The following SOD1 variants were observed in gnomAD, a reference collection of about 807,000 sequenced individuals.
SOD1 encodes superoxide dismutase [Cu-Zn].
In SOD1, 8 loss-of-function variants were observed where a neutral mutation model predicts 15.9. The ratio of observed to expected loss-of-function variants is 0.50; its 90% CI spans 0.30 to 0.91. The LOEUF (loss-of-function observed/expected upper bound fraction) is 0.91, where lower values mean the gene tolerates loss of function less well. Among genes scored for constraint, SOD1 ranks in the 40% least tolerant of loss-of-function variants. SOD1 has a pLI of 0.07. For missense variants in SOD1, 137 were observed against 194.5 expected, an observed-to-expected ratio of 0.70 and a Z score of 1.76; for synonymous variants, 86 against 71.2, an observed-to-expected ratio of 1.21 and a Z score of -1.04.
intron 4 of SOD1, among the ~76,000 whole-genome samples, chr21:31,667,948 GC>G (rs1176350747): frequency 6.6e-6 from 1 of 152,124 alleles, no homozygotes; most frequent in Non-Finnish European, 1.5e-5. Context: ...TTTTTCTTGA[GC>G]CATAGTTGTA....
At chr21:31,662,433 CAA>C (rs2049555882) in intron 1 of SOD1, among the ~76,000 whole-genome samples, 1 of 152,168 alleles carries the variant, frequency 6.6e-6, no homozygotes, top group Admixed American at 6.5e-5. Flanking sequence ...AAGCTAAAAA[CAA>C]GAGACACTGA....
In SOD1 at chr21:31,668,634, G is replaced by A. The variant is rs1387711169; in HGVS notation, c.*56G>A. 11 of 1,205,726 alleles carry A rather than the reference G, an allele frequency of 9.1e-6. No homozygotes were observed. The highest frequency in any genetic ancestry group is 1.2e-5 in the Non-Finnish European group (10 of 807,524). The allele number at this position is 1,205,726 out of a possible 1,614,324, so 74.7% of individuals were successfully genotyped here. A position where few individuals can be genotyped will look rare whatever the true frequency, so the allele number is the denominator to read the frequency against. On this transcript the variant is annotated 3_prime_UTR_variant, in exon 5 of 5. Transcript: ENST00000270142. ...TAACTCATCTGTTATCCTGCTAGCT[G>A]TAGAAATGTATCCTGATAAACATTA...
rs758204711 is a variant in SOD1 at position 31,668,476 on chromosome 21, T to C, written c.363T>C (p.His121=). The stretch of plus-strand genomic sequence containing the variant: ...CTTCTTAAAATTTTTTACAGGTCCA[T>C]GAAAAAGCAGATGACTTGGGCAAAG... ...HCIIGRTLVV[H]EKADDLGKGG... Residue 121 remains histidine (H), a synonymous_variant, in exon 5 of 5, where the codon CAT becomes CAC. Coordinates refer to ENST00000270142, the MANE Select transcript of SOD1 (RefSeq NM_000454.5). 1.1e-5 allele frequency: 18 copies of C among 1,613,616 alleles called. No homozygotes were observed. The East Asian group carries it at 2.0e-4, about 18-fold the overall frequency.
At chr21:31,664,985 C>G (rs2049581218) in intron 2 of SOD1, among the ~76,000 whole-genome samples, 1 of 151,954 alleles carries the variant, frequency 6.6e-6, no homozygotes, top group Non-Finnish European at 1.5e-5. Flanking sequence ...TGTAATGATC[C>G]CAGGTGTTTG....
At chr21:31,661,358 C>G (rs1459721152) in intron 1 of SOD1, among the ~76,000 whole-genome samples, 1 of 152,070 alleles carries the variant, frequency 6.6e-6, no homozygotes, top group African/African-American at 2.4e-5. Flanking sequence ...CCACATAATT[C>G]ACCAGTACTA....
chr21:31,666,571 A>G (rs1338195838), intron 3 of SOD1, 53 bp downstream of exon 3: 5 of 1,245,990 alleles, frequency 4.0e-6, no homozygotes, highest in Admixed American at 3.4e-5. Context: ...TGGAGTTCAT[A>G]TGGTATACTA....
intron 2 of SOD1, among the ~76,000 whole-genome samples, 184 bp downstream of exon 2, chr21:31,664,070 A>T (rs2049572307): frequency 6.6e-6 from 1 of 152,116 alleles, no homozygotes; most frequent in Non-Finnish European, 1.5e-5. Context: ...TTGACCTCCC[A>T]GGCTCCATTG....
intron 4 of SOD1, 75 bp from the exon 5 acceptor site, chr21:31,668,396 C>A: frequency 1.1e-6 from 1 of 920,160 alleles, no homozygotes; most frequent in Non-Finnish European, 1.8e-6. Flanking sequence ...GGTTCTTAAA[C>A]ATCTTTTGGG....
At chr21:31,662,460 G>T (rs2049556137) in intron 1 of SOD1, among the ~76,000 whole-genome samples, 1 of 152,196 alleles carries the variant, frequency 6.6e-6, no homozygotes, top group Admixed American at 6.5e-5. Flanking sequence ...TTGTATGACG[G>T]TGTGGTGTGG....
At chr21:31,666,375 C>A in intron 2 of SOD1, 74 bp from the exon 3 acceptor site, 2 of 1,143,816 alleles carry the variant, frequency 1.7e-6, no homozygotes, top group African/African-American at 1.5e-5. Flanking sequence ...GAAGTTTTAG[C>A]AGTGTTTCTT....
intron 1 of SOD1, among the ~76,000 whole-genome samples, chr21:31,662,694 T>C (rs191500857): frequency 1.3e-5 from 2 of 152,226 alleles, no homozygotes; most frequent in Admixed American, 1.3e-4. Context: ...GGCAGTGGAA[T>C]ATAATATTTT....
intron 2 of SOD1, among the ~76,000 whole-genome samples, chr21:31,664,871 C>T (rs1373363885): frequency 1.3e-5 from 2 of 152,016 alleles, no homozygotes. Context: ...CTGTCTCAGC[C>T]TCCCAAAGTG....
In SOD1 at chr21:31,659,760, C is replaced by G. The variant is rs553644744; in HGVS notation, c.-10C>G. 6.2e-7 allele frequency: 1 copy of G among 1,613,870 alleles called. No individual in the cohort carries two copies. On this transcript the variant is annotated 5_prime_UTR_variant, in exon 1 of 5. Coordinates refer to ENST00000270142, the MANE Select transcript of SOD1 (RefSeq NM_000454.5). ...CTCGGAACCAGGACCTCGGCGTGGCCTAGCGAGTTATGGCGACGAAGGCCG... is the reference window on the plus strand; with the variant it reads ...CTCGGAACCAGGACCTCGGCGTGGCGTAGCGAGTTATGGCGACGAAGGCCG...
intron 4 of SOD1, 43 bp from the exon 5 acceptor site, chr21:31,668,428 A>G (rs772195986): frequency 5.1e-6 from 7 of 1,365,548 alleles, no homozygotes; most frequent in East Asian, 2.3e-5. Context: ...GGAGGTAGTG[A>G]TTACTTGACA....
chr21:31,667,566 G>T (rs1379874632), intron 4 of SOD1, among the ~76,000 whole-genome samples, 191 bp downstream of exon 4: 1 of 152,166 alleles, frequency 6.6e-6, no homozygotes, highest in Non-Finnish European at 1.5e-5. Context: ...TAAGAACACT[G>T]TTCTGCTAAG....
intron 1 of SOD1, 95 bp from the exon 2 acceptor site, chr21:31,663,695 A>C: frequency 1.0e-6 from 1 of 989,334 alleles, no homozygotes; most frequent in East Asian, 2.6e-5. Context: ...TCCACTCCCA[A>C]GTCTGGCTGC....
intron 2 of SOD1, among the ~76,000 whole-genome samples, chr21:31,665,884 G>T (rs983657548): frequency 6.6e-6 from 1 of 151,866 alleles, no homozygotes; most frequent in Admixed American, 6.6e-5. Flanking sequence ...GATCAGTCTG[G>T]TCCCTTATTT....
chr21:31,662,188 G>A (rs755925129), intron 1 of SOD1, among the ~76,000 whole-genome samples: 2 of 152,192 alleles, frequency 1.3e-5, no homozygotes, highest in African/African-American at 2.4e-5. Flanking sequence ...CAAAGAACCT[G>A]CTGTTTTTGG....
chr21:31,662,752 C>T (rs1330461241), intron 1 of SOD1, among the ~76,000 whole-genome samples: 6 of 152,158 alleles, frequency 3.9e-5, no homozygotes, highest in South Asian at 2.1e-4. Flanking sequence ...TGGTGGCTTA[C>T]GCCTGTAATC....
Sources: allele counts gnomAD v4.1 joint callset (sites outside exome capture counted in the v4.1 genomes callset), GRCh38; gene constraint gnomAD v4.1.1; transcripts MANE v1.5; gene names NCBI Gene and HGNC (gene_info 2026-07-23, HGNC 2026-07-21).